CPEB3: variants seen among roughly 807,000 people sequenced by gnomAD.
CPEB3 encodes cytoplasmic polyadenylation element-binding protein 3.
CPEB3 carries 20 observed loss-of-function variants against 67.2 expected under a neutral mutation model. That is an observed-to-expected ratio of 0.30 (90% CI 0.21 to 0.43). The LOEUF (loss-of-function observed/expected upper bound fraction) is 0.43. CPEB3 is among the 20% of genes least tolerant of loss of function. The probability of loss-of-function intolerance (pLI) is 1.00; values close to 1 mark genes in which losing one functional copy is unlikely to be tolerated. For missense variants in CPEB3, 746 were observed against 968.6 expected (o/e 0.77, Z 3.05); for synonymous variants, 376 against 393.1 (o/e 0.96, Z 0.51).
intron 2 of CPEB3, among the ~76,000 whole-genome samples, chr10:92,234,550 C>A (rs142610051): frequency 3.3e-5 from 5 of 152,298 alleles, no homozygotes; most frequent in African/African-American, 1.2e-4. Flanking sequence ...GAGCCATGGG[C>A]TCTGGAGGCA....
rs1259803422 is a variant in CPEB3 at position 92,253,481 on chromosome 10, AAAAGAAAAG to A, written c.-11-13129_-11-13121del. Among the ~76,000 whole-genome samples, 43 of 144,938 alleles carry A rather than the reference AAAAGAAAAG, an allele frequency of 3.0e-4. No homozygotes were observed. In the South Asian group the frequency reaches 8.8e-3, roughly 30 times the overall value. On this transcript the variant is annotated intron_variant, in intron 1 of 9. Coordinates refer to ENST00000265997, the MANE Select transcript of CPEB3 (RefSeq NM_014912.5). ...CTCAAAACAAAAAAAAAAAAAAAAA[AAAAGAAAAG>A]AAAGAAAAGAAAATTCAGAAAACTA...
chr10:92,236,678 G>C (rs1209190262), intron 2 of CPEB3, among the ~76,000 whole-genome samples: 1 of 152,096 alleles, frequency 6.6e-6, no homozygotes, highest in Non-Finnish European at 1.5e-5. Flanking sequence ...GAAACCGGGA[G>C]GCAGAGGTTG....
In CPEB3 at chr10:92,055,923, C is replaced by T. The variant is rs557464683; in HGVS notation, c.1870-3484G>A. Reference sequence around the variant, plus strand: ...GTCCCAGCTACTTGGGAGGCTGAGGCGGGAAGATCCCTTGAGCCCAAGAGA... The same window carrying T: ...GTCCCAGCTACTTGGGAGGCTGAGGTGGGAAGATCCCTTGAGCCCAAGAGA... On this transcript the variant is annotated intron_variant, in intron 9 of 9. Transcript: ENST00000265997. Among the ~76,000 whole-genome samples, 10 of 152,216 alleles carry T rather than the reference C, an allele frequency of 6.6e-5. No individual in the cohort carries two copies. In the South Asian group the frequency reaches 1.2e-3, roughly 19 times the overall value.
chr10:92,220,672 G>A (rs558913712), intron 2 of CPEB3, among the ~76,000 whole-genome samples: 1 of 151,530 alleles, frequency 6.6e-6, no homozygotes, highest in South Asian at 2.1e-4. Flanking sequence ...TGCTGAAAAA[G>A]AGTTTAGAGC....
intron 4 of CPEB3, among the ~76,000 whole-genome samples, chr10:92,159,295 T>C (rs572823542): frequency 4.4e-4 from 66 of 151,368 alleles, no homozygotes; most frequent in Admixed American, 2.2e-3. Context: ...AATAAAACTG[T>C]GAAATGTCAC....
At chr10:92,231,668 CATCT>C (rs1272980914) in intron 2 of CPEB3, among the ~76,000 whole-genome samples, 13 of 152,276 alleles carry the variant, frequency 8.5e-5, no homozygotes, top group Middle Eastern at 3.4e-3. Flanking sequence ...TGCTCCCCTC[CATCT>C]AATTCTCTTT....
intron 3 of CPEB3, among the ~76,000 whole-genome samples, chr10:92,185,454 A>G (rs1471760824): frequency 6.6e-6 from 1 of 152,172 alleles, no homozygotes; most frequent in Non-Finnish European, 1.5e-5. Flanking sequence ...CTCAATTCAC[A>G]TTCATATTTA....
At chr10:92,260,276 C>G (rs895890929) in intron 1 of CPEB3, among the ~76,000 whole-genome samples, 1 of 152,078 alleles carries the variant, frequency 6.6e-6, no homozygotes, top group East Asian at 1.9e-4. Flanking sequence ...TCTGGCTGGG[C>G]GTGGTGGCTC....
rs1590031791 is a variant in CPEB3, at chr10:92,051,319, T to C, written c.*893A>G. 1 of 152,670 alleles carries C rather than the reference T, an allele frequency of 6.6e-6. No individual in the cohort carries two copies. Among genetic ancestry groups the C allele is most frequent in the African/African-American group, 2.4e-5 (1 of 41,468 alleles). The allele number at this position is 152,670 out of a possible 1,614,324, so 9.5% of individuals were successfully genotyped here. A position where few individuals can be genotyped will look rare whatever the true frequency, so the allele number is the denominator to read the frequency against. On this transcript the variant is annotated 3_prime_UTR_variant, in exon 10 of 10. Coordinates refer to ENST00000265997, the MANE Select transcript of CPEB3 (RefSeq NM_014912.5). Reference sequence around the variant, plus strand: ...TACTAGACATTGGATATAAAATTTATTGCATGCAGCAACCTGATTAAGTAA... The same window carrying C: ...TACTAGACATTGGATATAAAATTTACTGCATGCAGCAACCTGATTAAGTAA...
intron 8 of CPEB3, among the ~76,000 whole-genome samples, chr10:92,083,455 G>T (rs1170051772): frequency 6.6e-6 from 1 of 152,128 alleles, no homozygotes; most frequent in Non-Finnish European, 1.5e-5. Flanking sequence ...AAATATTAGA[G>T]GTCCTTATAC....
At chr10:92,185,843 T>C (rs926156460) in intron 3 of CPEB3, among the ~76,000 whole-genome samples, 2 of 152,206 alleles carry the variant, frequency 1.3e-5, no homozygotes, top group Admixed American at 6.5e-5. Flanking sequence ...TACTGTGATA[T>C]GTAAAAATAT....
At position 92,053,691 on chromosome 10, in the gene CPEB3, G is replaced by A. The variant is rs896529841; in HGVS notation, c.1870-1252C>T. 2.6e-4 allele frequency among the ~76,000 whole-genome samples: 40 copies of A among 152,094 alleles called. No individual in the cohort carries two copies. In the East Asian group the frequency reaches 4.5e-3, roughly 17 times the overall value. On this transcript the variant is annotated intron_variant, in intron 9 of 9. Transcript: ENST00000265997. ...TGAGTAGCTGGGACTACAGGCACCC[G>A]CCACCACGCCTGGCTAATTTTTTGT...
chr10:92,131,521 G>A (rs1187125266), intron 6 of CPEB3, among the ~76,000 whole-genome samples: 1 of 152,154 alleles, frequency 6.6e-6, no homozygotes, highest in Non-Finnish European at 1.5e-5. Flanking sequence ...TATTTAGCTT[G>A]GAAAGAGAAA....
At chr10:92,071,769 A>G (rs1011783778) in intron 9 of CPEB3, among the ~76,000 whole-genome samples, 1 of 152,030 alleles carries the variant, frequency 6.6e-6, no homozygotes, top group African/African-American at 2.4e-5. Flanking sequence ...TCATGACCAC[A>G]CAGAGTAGAC....
chr10:92,185,896 T>C (rs530075571), intron 3 of CPEB3, among the ~76,000 whole-genome samples: 31 of 152,306 alleles, frequency 2.0e-4, no homozygotes, highest in African/African-American at 7.5e-4. Flanking sequence ...ATGATAAAAC[T>C]TTGATACTAA....
chr10:92,258,720 T>G (rs1467479649), intron 1 of CPEB3, among the ~76,000 whole-genome samples: 1 of 134,230 alleles, frequency 7.4e-6, no homozygotes, highest in African/African-American at 2.9e-5. Flanking sequence ...AAATGTTCAC[T>G]AGATCAGATA....
chr10:92,142,419 C>T (rs1435282953), intron 6 of CPEB3, among the ~76,000 whole-genome samples: 1 of 152,082 alleles, frequency 6.6e-6, no homozygotes, highest in Admixed American at 6.5e-5. Context: ...GTAAAGTTCC[C>T]TAGATTCTGC....
At chr10:92,105,090 T>C (rs1394249940) in intron 7 of CPEB3, among the ~76,000 whole-genome samples, 1 of 152,026 alleles carries the variant, frequency 6.6e-6, no homozygotes, top group Non-Finnish European at 1.5e-5. Context: ...AGACCAAGAA[T>C]TCAAGAAACA....
In CPEB3 at chr10:92,185,720, G is replaced by A. The variant is rs371293824; in HGVS notation, c.1166-4701C>T. 1.2e-4 allele frequency among the ~76,000 whole-genome samples: 19 copies of A among 152,272 alleles called. No individual in the cohort carries two copies. In the East Asian group the frequency reaches 3.3e-3, roughly 26 times the overall value. ...TCATGTAACAGAATGTTAGTGCCACGTTTCAGAAAGACTTACCAGGTAAAA... is the reference window on the plus strand; with the variant it reads ...TCATGTAACAGAATGTTAGTGCCACATTTCAGAAAGACTTACCAGGTAAAA... On this transcript the variant is annotated intron_variant, in intron 3 of 9. Transcript: ENST00000265997.
Sources: allele counts gnomAD v4.1 joint callset (sites outside exome capture counted in the v4.1 genomes callset), GRCh38; gene constraint gnomAD v4.1.1; transcripts MANE v1.5; gene names NCBI Gene and HGNC (gene_info 2026-07-23, HGNC 2026-07-21).